Variants in DGKI observed in about 807,000 individuals in gnomAD.
DGKI encodes the protein DAG kinase iota.
In DGKI, 55 loss-of-function variants were observed where a neutral mutation model predicts 147.5. The observed-to-expected ratio is 0.37, with a 90% CI of 0.30 to 0.47. The LOEUF (loss-of-function observed/expected upper bound fraction) is 0.47, where lower values mean the gene tolerates loss of function less well. Among genes scored for constraint, DGKI ranks in the 20% least tolerant of loss-of-function variants. The pLI is 1.00. For missense variants in DGKI, 1,007 were observed against 1,323.8 expected, an observed-to-expected ratio of 0.76 and a Z score of 3.71; for synonymous variants, 469 against 477.1, an observed-to-expected ratio of 0.98 and a Z score of 0.22.
chr7:137,596,107 G>C (rs925973018), intron 12 of DGKI, among the ~76,000 whole-genome samples: 1 of 151,458 alleles, frequency 6.6e-6, no homozygotes, highest in Non-Finnish European at 1.5e-5. Flanking sequence ...AGTTTCCATG[G>C]AGAAAGGGAG....
chr7:137,513,207 A>G (rs1232370578), intron 21 of DGKI, among the ~76,000 whole-genome samples: 1 of 152,162 alleles, frequency 6.6e-6, no homozygotes, highest in Non-Finnish European at 1.5e-5. Context: ...CACCAAGTAC[A>G]CCAAGCTATC....
At chr7:137,579,913 A>C (rs941452734) in intron 15 of DGKI, among the ~76,000 whole-genome samples, 2 of 152,272 alleles carry the variant, frequency 1.3e-5, no homozygotes, top group East Asian at 1.9e-4. Flanking sequence ...TACAGCTTAA[A>C]ATAAAAGAGA....
chr7:137,786,245 T>C (rs988860067), intron 1 of DGKI, among the ~76,000 whole-genome samples: 16 of 152,250 alleles, frequency 1.1e-4, no homozygotes, highest in African/African-American at 3.6e-4. Flanking sequence ...AGAAAGCTCC[T>C]AGAACTGGTA....
intron 3 of DGKI, among the ~76,000 whole-genome samples, chr7:137,669,870 G>A (rs1822779351): frequency 6.6e-6 from 1 of 152,132 alleles, no homozygotes; most frequent in African/African-American, 2.4e-5. Flanking sequence ...ATGGATCAGA[G>A]ACGAGTATGA....
intron 31 of DGKI, 86 bp downstream of exon 31, chr7:137,397,291 T>C: frequency 7.9e-7 from 1 of 1,267,596 alleles, no homozygotes; most frequent in Non-Finnish European, 1.1e-6. Context: ...TAAAATTACC[T>C]ATGATATGCT....
chr7:137,786,160 T>C lies in DGKI; in HGVS notation c.401+60302A>G, dbSNP rs373010906. Among the ~76,000 whole-genome samples, 153 of 152,214 alleles carry C rather than the reference T, an allele frequency of 1.0e-3. 3 individuals carry two copies. Among genetic ancestry groups the C allele is most frequent in the African/African-American group, 3.5e-3 (144 of 41,550 alleles). ...GAGAAAGAAATAAAGGGCATCCAAA[T>C]TGGTAAAGAGGAAGTCAAACTGTTG... On this transcript the variant is annotated intron_variant, in intron 1 of 32. Transcript: ENST00000614521.
intron 1 of DGKI, among the ~76,000 whole-genome samples, chr7:137,805,475 C>G (rs531561813): frequency 3.7e-4 from 57 of 152,322 alleles, no homozygotes; most frequent in Middle Eastern, 6.8e-3. Flanking sequence ...GCTTCCCAGA[C>G]AAGGATCCAA....
chr7:137,627,556 A>T (rs1259835851), intron 6 of DGKI, among the ~76,000 whole-genome samples: 4 of 152,164 alleles, frequency 2.6e-5, no homozygotes, highest in Non-Finnish European at 1.5e-5. Flanking sequence ...CAGGCAAAAA[A>T]ACTAACCCCT....
In DGKI at chr7:137,463,533, A is replaced by G. The variant is rs1233045688; in HGVS notation, c.2691T>C (p.Tyr897=). 9 of 1,614,182 alleles carry G rather than the reference A, an allele frequency of 5.6e-6. No individual in the cohort carries two copies. The South Asian group carries it at 7.7e-5, about 14-fold the overall frequency. Reference sequence around the variant, plus strand: ...TGAGATCTTTCAGATCTGAGTCCTCATAATAGGGAGCTATCATCCCCAGCC... The same window carrying G: ...TGAGATCTTTCAGATCTGAGTCCTCGTAATAGGGAGCTATCATCCCCAGCC... The part of the protein sequence containing the change: ...DSGLGMIAPY[Y]EDSDLKDLSH... Residue 897 remains tyrosine (Y), a synonymous_variant, in exon 27 of 33, where the codon TAT becomes TAC. Coordinates refer to ENST00000614521, the MANE Select transcript of DGKI (RefSeq NM_001321708.2).
chr7:137,455,719 G>T (rs1321907582), intron 27 of DGKI, among the ~76,000 whole-genome samples: 1 of 149,806 alleles, frequency 6.7e-6, no homozygotes, highest in African/African-American at 2.4e-5. Context: ...GATATCTCTT[G>T]TTCTGATCTT....
chr7:137,743,233 C>T (rs1795231871), intron 1 of DGKI, among the ~76,000 whole-genome samples: 1 of 152,166 alleles, frequency 6.6e-6, no homozygotes, highest in South Asian at 2.1e-4. Flanking sequence ...AGGCAGAAAA[C>T]TGGCACAGAA....
chr7:137,574,224 T>C (rs1205787623), intron 17 of DGKI, among the ~76,000 whole-genome samples: 1 of 152,202 alleles, frequency 6.6e-6, no homozygotes, highest in Non-Finnish European at 1.5e-5. Context: ...AATCTTACAA[T>C]TTTAAATAAA....
intron 1 of DGKI, among the ~76,000 whole-genome samples, chr7:137,821,386 C>G (rs1396094198): frequency 6.6e-6 from 1 of 151,280 alleles, no homozygotes; most frequent in Non-Finnish European, 1.5e-5. Flanking sequence ...TACCAATTCA[C>G]CCCTGGTCAC....
intron 1 of DGKI, among the ~76,000 whole-genome samples, chr7:137,756,785 A>G (rs1795697840): frequency 6.6e-6 from 1 of 151,510 alleles, no homozygotes; most frequent in Non-Finnish European, 1.5e-5. Context: ...TTAAGAGTTG[A>G]TTAGTACTGG....
chr7:137,638,307 T>C (rs1488357969), intron 6 of DGKI, among the ~76,000 whole-genome samples: 9 of 151,370 alleles, frequency 5.9e-5, no homozygotes, highest in Non-Finnish European at 1.2e-4. Context: ...ATACATTTTG[T>C]TCATGTTCCT....
At chr7:137,596,682 A>T (rs1266931044) in intron 12 of DGKI, among the ~76,000 whole-genome samples, 1 of 152,164 alleles carries the variant, frequency 6.6e-6, no homozygotes, top group Non-Finnish European at 1.5e-5. Flanking sequence ...AAGAAAGATA[A>T]AGACTATTTT....
intron 19 of DGKI, among the ~76,000 whole-genome samples, chr7:137,562,883 A>G (rs543683622): frequency 6.6e-6 from 1 of 152,314 alleles, no homozygotes; most frequent in East Asian, 1.9e-4. Flanking sequence ...TTCAGGAAAT[A>G]GAAGAGAATG....
chr7:137,477,833 TG>T (rs1233473612), intron 23 of DGKI, among the ~76,000 whole-genome samples: 2 of 152,080 alleles, frequency 1.3e-5, no homozygotes, highest in African/African-American at 2.4e-5. Flanking sequence ...ATTTTGGGGT[TG>T]TTTTTTTGTA....
intron 28 of DGKI, among the ~76,000 whole-genome samples, chr7:137,433,268 T>C (rs548694048): frequency 6.6e-6 from 1 of 152,296 alleles, no homozygotes. Context: ...TAAAGTAACA[T>C]ATCTAAGACT....
Sources: gnomAD v4.1 joint callset for allele counts (sites outside exome capture counted in the v4.1 genomes callset) on GRCh38, gnomAD v4.1.1 for gene constraint, MANE v1.5 for transcripts, NCBI Gene and HGNC (gene_info 2026-07-23, HGNC 2026-07-21) for gene names.